The following CLEC16A variants were observed in gnomAD, a reference collection of about 807,000 sequenced individuals.
CLEC16A encodes the protein C-type lectin domain containing 16A, also known as protein CLEC16A.
A neutral mutation model predicts 109.5 loss-of-function variants in CLEC16A; 51 were observed. That is an observed-to-expected ratio of 0.47 (90% CI 0.37 to 0.59). The LOEUF is 0.59. Ranked by LOEUF, CLEC16A falls within the 20% of genes least tolerant of loss-of-function variation. The pLI, the probability that CLEC16A is intolerant of heterozygous loss-of-function variation, is 0.00. For missense variants in CLEC16A, 1,339 were observed against 1,394.0 expected (o/e 0.96, Z 0.63); for synonymous variants, 673 against 564.2 (o/e 1.19, Z -2.73).
chr16:11,178,637 C>T lies in CLEC16A; in HGVS notation c.3109C>T (p.Pro1037Ser). The T allele has an allele frequency of 6.3e-7, 1 of 1,585,222 alleles. No individual in the cohort carries two copies. Reference protein sequence around the residue: ...LSTPAAACTEPVGEEAACAEP... With the variant: ...LSTPAAACTESVGEEAACAEP... ...CACGCCGGCTGCCGCCTGCACAGAG[C>T]CCGTGGGCGAAGAGGCTGCATGTGC... is the stretch of plus-strand genomic sequence containing the variant. Residue 1037 changes from proline to serine, a missense_variant, in exon 24 of 24, where the codon CCC becomes TCC. Physicochemically the swap from Pro to Ser is moderately conservative, Grantham distance 74. Around this residue, in one of 3 missense-constraint regions of CLEC16A, gnomAD observed 1,061 missense variants for 1,006.8 expected, o/e 1.05. Coordinates refer to ENST00000409790, the MANE Select transcript of CLEC16A (RefSeq NM_015226.3). The surrounding 1 kb of genome is among the most constrained non-coding windows in gnomAD (Gnocchi z 6.5).
At chr16:11,089,387 A>C (rs2050182688) in intron 19 of CLEC16A, among the ~76,000 whole-genome samples, 1 of 152,054 alleles carries the variant, frequency 6.6e-6, no homozygotes, top group African/African-American at 2.4e-5. Context: ...ACCCTTGTTG[A>C]TATGCATTGG....
rs141841548 is a variant in CLEC16A at position 11,153,378 on chromosome 16, G to A, written c.2642-13010G>A. Among the ~76,000 whole-genome samples, 190 of 152,004 alleles carry A rather than the reference G, an allele frequency of 1.2e-3. No individual in the cohort carries two copies. The Middle Eastern group carries it at 0.014, about 11-fold the overall frequency. ...GAAACTAAGGTTTTTATGACCCCTGGAGCACTTGTGAGGAGTTGACAGCTT... is the reference window on the plus strand; with the variant it reads ...GAAACTAAGGTTTTTATGACCCCTGAAGCACTTGTGAGGAGTTGACAGCTT... On this transcript the variant is annotated intron_variant, in intron 22 of 23. Transcript: ENST00000409790.
Position 11,176,917 on chromosome 16 carries a change from G to A in CLEC16A, c.2807-1418G>A, listed in dbSNP as rs142830779. Among the ~76,000 whole-genome samples the A allele has an allele frequency of 4.2e-3, 633 of 151,920 alleles. 2 individuals carry two copies. Among genetic ancestry groups the A allele is most frequent in the African/African-American group, 0.015 (605 of 41,398 alleles). ...TCTATATGCTGCCTGCTTTTATTTC[G>A]TTCTTTGTTTTTCCATTATTTTGCT... On this transcript the variant is annotated intron_variant, in intron 23 of 23. Transcript: ENST00000409790.
At chr16:11,117,300 T>C (rs1318567707) in intron 19 of CLEC16A, among the ~76,000 whole-genome samples, 1 of 152,252 alleles carries the variant, frequency 6.6e-6, no homozygotes, top group Non-Finnish European at 1.5e-5. Context: ...AGGTGAACTT[T>C]ATGGCGTGTA....
At chr16:11,049,119 T>C (rs1302945072) in intron 17 of CLEC16A, among the ~76,000 whole-genome samples, 3 of 152,098 alleles carry the variant, frequency 2.0e-5, no homozygotes, top group Admixed American at 2.0e-4. Context: ...GCAATTCTCC[T>C]GCCTCAGCCT....
chr16:11,131,710 T>C (rs965219372), intron 22 of CLEC16A, among the ~76,000 whole-genome samples: 8 of 152,204 alleles, frequency 5.3e-5, no homozygotes, highest in Non-Finnish European at 1.0e-4. Context: ...CTGCCTCTTC[T>C]GCTGCTCTCT....
intron 19 of CLEC16A, among the ~76,000 whole-genome samples, chr16:11,111,598 C>G (rs1028101631): frequency 6.6e-6 from 1 of 152,220 alleles, no homozygotes; most frequent in Non-Finnish European, 1.5e-5. Context: ...CTGTGGCCAT[C>G]TTTGGAAAGT....
intron 15 of CLEC16A, 95 bp from the exon 16 acceptor site, chr16:11,043,933 T>C (rs2047489908): frequency 2.1e-6 from 2 of 940,096 alleles, no homozygotes; most frequent in Non-Finnish European, 3.2e-6. Context: ...TCCAGATCTG[T>C]TTTATACACA....
At chr16:11,135,600 C>T (rs1004895200) in intron 22 of CLEC16A, among the ~76,000 whole-genome samples, 2 of 152,218 alleles carry the variant, frequency 1.3e-5, no homozygotes, top group Non-Finnish European at 2.9e-5. Context: ...CGACTGTATG[C>T]CCGGGAGCCT....
At chr16:11,024,763 G>A (rs1406494661) in intron 12 of CLEC16A, 58 bp from the exon 13 acceptor site, 3 of 1,331,342 alleles carry the variant, frequency 2.3e-6, no homozygotes, top group Non-Finnish European at 3.2e-6. Context: ...AGGTTAGAGA[G>A]GGGAGGTGTT....
chr16:11,109,309 A>G (rs1266483407), intron 19 of CLEC16A, among the ~76,000 whole-genome samples: 1 of 151,738 alleles, frequency 6.6e-6, no homozygotes, highest in Non-Finnish European at 1.5e-5. Flanking sequence ...GTGCACCACC[A>G]CACCCAGCTA....
chr16:11,120,263 A>T (rs1457122343), intron 19 of CLEC16A, among the ~76,000 whole-genome samples: 1 of 152,256 alleles, frequency 6.6e-6, no homozygotes, highest in Non-Finnish European at 1.5e-5. Context: ...GAGCCACGGC[A>T]CCCAGCCATG....
At chr16:10,997,160 C>T (rs559660764) in intron 10 of CLEC16A, among the ~76,000 whole-genome samples, 1 of 152,148 alleles carries the variant, frequency 6.6e-6, no homozygotes, top group African/African-American at 2.4e-5. Context: ...CAAGGTCTCA[C>T]CATGCTTCCT....
intron 10 of CLEC16A, among the ~76,000 whole-genome samples, chr16:10,995,859 C>T (rs1352860949): frequency 6.6e-6 from 1 of 152,174 alleles, no homozygotes; most frequent in African/African-American, 2.4e-5. Flanking sequence ...TCTCAAATCG[C>T]TTAGCAGAGC....
intron 23 of CLEC16A, among the ~76,000 whole-genome samples, chr16:11,175,093 C>G (rs781036836): frequency 5.3e-5 from 8 of 152,250 alleles, no homozygotes; most frequent in Non-Finnish European, 1.2e-4. Flanking sequence ...TTCTTCCCCA[C>G]AACACTCAGC....
In CLEC16A at chr16:10,961,120, A is replaced by C. The variant is rs980748797; in HGVS notation, c.210-1335A>C. On this transcript the variant is annotated intron_variant, in intron 2 of 23. Coordinates refer to ENST00000409790, the MANE Select transcript of CLEC16A (RefSeq NM_015226.3). This position sits in a 1 kb window ranked among gnomAD's most constrained non-coding sequence, Gnocchi z 4.3. Reference sequence around the variant, plus strand: ...GTTCCCAAGTTGGTCACAGTGCGGCAGTGAGTTTGCTGGTGGCCCTTAGGA... The same window carrying C: ...GTTCCCAAGTTGGTCACAGTGCGGCCGTGAGTTTGCTGGTGGCCCTTAGGA... Among the ~76,000 whole-genome samples the C allele has an allele frequency of 6.6e-5, 10 of 152,204 alleles. No individual in the cohort carries two copies. The highest frequency in any genetic ancestry group is 2.4e-4 in the African/African-American group (10 of 41,440).
chr16:10,975,356 G>C (rs770769997), intron 7 of CLEC16A, among the ~76,000 whole-genome samples: 1 of 152,044 alleles, frequency 6.6e-6, no homozygotes, highest in East Asian at 1.9e-4. Context: ...AGTGGAGGAG[G>C]CGAGTCTGGG....
At chr16:10,969,556 CAGGTT>C in intron 4 of CLEC16A, among the ~76,000 whole-genome samples, 2 of 152,232 alleles carry the variant, frequency 1.3e-5, no homozygotes, top group East Asian at 3.9e-4. Flanking sequence ...CTATGTTTCC[CAGGTT>C]GGCCTTGAAC....
In CLEC16A at chr16:11,072,380, A is replaced by T. The variant is rs956316284; in HGVS notation, c.2116+11358A>T. ...GTGATCCTCCTGCTTCGGCTTCCCAATGTACTGGGATTACAGGTGTGAGCT... is the reference window on the plus strand; with the variant it reads ...GTGATCCTCCTGCTTCGGCTTCCCATTGTACTGGGATTACAGGTGTGAGCT... On this transcript the variant is annotated intron_variant, in intron 19 of 23. Coordinates refer to ENST00000409790, the MANE Select transcript of CLEC16A (RefSeq NM_015226.3). Among the ~76,000 whole-genome samples the T allele has an allele frequency of 3.3e-5, 5 of 152,120 alleles. No individual in the cohort carries two copies. In the East Asian group the frequency reaches 5.8e-4, roughly 18 times the overall value.
Sources: allele counts gnomAD v4.1 joint callset (sites outside exome capture counted in the v4.1 genomes callset), GRCh38; gene constraint gnomAD v4.1.1; regional missense constraint gnomAD v4.1.1; non-coding constraint Gnocchi (gnomAD v3.1); transcripts MANE v1.5; gene names NCBI Gene and HGNC (gene_info 2026-07-23, HGNC 2026-07-21).